The following THSD7B variants were observed in gnomAD, a reference collection of about 807,000 sequenced individuals.
THSD7B encodes thrombospondin type-1 domain-containing protein 7B.
Under a neutral mutation model 213.6 loss-of-function variants are expected in THSD7B, and 138 were observed. The observed-to-expected ratio is 0.65, with a 90% CI of 0.56 to 0.74. The LOEUF is 0.74. THSD7B is among the 30% of genes least tolerant of loss of function. The pLI is 0.00. For synonymous variants in THSD7B, 742 were observed against 687.0 expected (o/e 1.08, Z -1.25); for missense variants, 1,931 against 1,991.5 (o/e 0.97, Z 0.58).
chr2:137,098,409 T>C (rs1688079935), intron 4 of THSD7B, among the ~76,000 whole-genome samples: 1 of 152,148 alleles, frequency 6.6e-6, no homozygotes, highest in African/African-American at 2.4e-5. Context: ...GGAACCTAAA[T>C]TTTAGTGAAA....
intron 2 of THSD7B, among the ~76,000 whole-genome samples, chr2:136,950,829 T>A (rs1411990120): frequency 8.5e-5 from 13 of 152,208 alleles, no homozygotes. Context: ...GAAAGACTGT[T>A]GGCCCATGGT....
rs16838011 is a variant in THSD7B, at chr2:137,093,246, C to T, written c.951-1627C>T. On this transcript the variant is annotated intron_variant, in intron 3 of 27. Coordinates refer to ENST00000409968, the MANE Select transcript of THSD7B (RefSeq NM_001316349.2). The stretch of plus-strand genomic sequence containing the variant: ...CCCTTCCAGAGCAGCTTTCGAAGAA[C>T]CCTTGTACCTTGTATCTACGTTCCT... Among the ~76,000 whole-genome samples, 3,538 of 144,672 alleles carry T rather than the reference C, an allele frequency of 0.024. 261 individuals carry two copies. In the East Asian group the frequency reaches 0.28, roughly 11 times the overall value. The allele number at this position is 144,672 out of a possible 152,430, so 94.9% of individuals were successfully genotyped here.
intron 10 of THSD7B, among the ~76,000 whole-genome samples, chr2:137,258,425 C>G (rs200762132): frequency 2.8e-4 from 43 of 152,226 alleles, no homozygotes; most frequent in Middle Eastern, 3.4e-3. Context: ...TGCTGTTGCT[C>G]TGTCTGGAAT....
intron 9 of THSD7B, among the ~76,000 whole-genome samples, chr2:137,236,839 G>A (rs988336383): frequency 1.3e-5 from 2 of 152,098 alleles, no homozygotes; most frequent in South Asian, 2.1e-4. Context: ...AGCTGGGCGC[G>A]GTGGCTCATG....
At chr2:137,146,254 G>A (rs988108538) in intron 5 of THSD7B, among the ~76,000 whole-genome samples, 3 of 152,008 alleles carry the variant, frequency 2.0e-5, no homozygotes, top group African/African-American at 7.2e-5. Flanking sequence ...TAAGCATATA[G>A]ATTTTAACTA....
At position 137,624,802 on chromosome 2, in the gene THSD7B, G is replaced by A. The variant is rs1300654319; in HGVS notation, c.3799+4076G>A. On this transcript the variant is annotated intron_variant, in intron 20 of 27. Transcript: ENST00000409968. ...ACCATCTCACACCAGTTAGAATGGTGATCATTAAAAAGTCAGGAAACAACA... is the reference window on the plus strand; with the variant it reads ...ACCATCTCACACCAGTTAGAATGGTAATCATTAAAAAGTCAGGAAACAACA... 5.9e-5 allele frequency among the ~76,000 whole-genome samples: 9 copies of A among 152,132 alleles called. 1 individual carries two copies.
At chr2:137,417,179 A>C (rs1686817491) in intron 14 of THSD7B, among the ~76,000 whole-genome samples, 1 of 152,228 alleles carries the variant, frequency 6.6e-6, no homozygotes, top group Non-Finnish European at 1.5e-5. Context: ...GGATTTAAGA[A>C]ATAAATATTT....
chr2:137,332,125 A>G (rs936060560), intron 12 of THSD7B, among the ~76,000 whole-genome samples: 2 of 152,118 alleles, frequency 1.3e-5, no homozygotes, highest in African/African-American at 4.8e-5. Flanking sequence ...GGAGGCACCG[A>G]GAGCGAGCGA....
chr2:137,337,174 T>C (rs1265478686), intron 12 of THSD7B, among the ~76,000 whole-genome samples: 1 of 152,056 alleles, frequency 6.6e-6, no homozygotes, highest in Non-Finnish European at 1.5e-5. Context: ...TCAGAACTTA[T>C]TCAGATTTCA....
chr2:137,296,858 G>T (rs1056544804), intron 12 of THSD7B, among the ~76,000 whole-genome samples: 2 of 151,784 alleles, frequency 1.3e-5, no homozygotes, highest in Non-Finnish European at 1.5e-5. Flanking sequence ...GGCTGTTGTG[G>T]CTTCCTTGCT....
At chr2:136,776,939 A>T (rs1681620404) in intron 1 of THSD7B, among the ~76,000 whole-genome samples, 1 of 152,142 alleles carries the variant, frequency 6.6e-6, no homozygotes, top group African/African-American at 2.4e-5. Flanking sequence ...ATGAGAAATG[A>T]CAGGAAAAGA....
chr2:137,006,091 T>A (rs1008316039), intron 2 of THSD7B, among the ~76,000 whole-genome samples: 1 of 152,186 alleles, frequency 6.6e-6, no homozygotes, highest in Non-Finnish European at 1.5e-5. Flanking sequence ...CCATCTGAGC[T>A]GTTTTAATAA....
intron 12 of THSD7B, among the ~76,000 whole-genome samples, chr2:137,377,917 G>T (rs1374307483): frequency 6.6e-6 from 1 of 152,076 alleles, no homozygotes; most frequent in Non-Finnish European, 1.5e-5. Context: ...AAGCTACCGC[G>T]CCTGGACAAA....
intron 2 of THSD7B, among the ~76,000 whole-genome samples, chr2:137,055,663 A>C (rs970495153): frequency 6.6e-6 from 1 of 152,212 alleles, no homozygotes; most frequent in East Asian, 1.9e-4. Context: ...TTACAAGCTA[A>C]TGTTGGAAAC....
intron 15 of THSD7B, among the ~76,000 whole-genome samples, chr2:137,496,626 G>T (rs1028520554): frequency 6.6e-6 from 1 of 151,922 alleles, no homozygotes; most frequent in East Asian, 1.9e-4. Context: ...TAAAAACCAC[G>T]GGCAATATTT....
chr2:137,586,416 A>G lies in THSD7B; in HGVS notation c.3423+13860A>G, dbSNP rs532218841. ...GTTATTTTGCCCATTAGTTGATGCA[A>G]TTTCTTCCTAGCATCGATGGTCTTT... On this transcript the variant is annotated intron_variant, in intron 17 of 27. Coordinates refer to ENST00000409968, the MANE Select transcript of THSD7B (RefSeq NM_001316349.2). Among the ~76,000 whole-genome samples, 657 of 151,990 alleles carry G rather than the reference A, an allele frequency of 4.3e-3. 6 individuals carry two copies. The highest frequency in any genetic ancestry group is 0.015 in the African/African-American group (634 of 41,456).
chr2:137,131,565 A>G (rs1051848938), intron 5 of THSD7B, among the ~76,000 whole-genome samples: 3 of 152,200 alleles, frequency 2.0e-5, no homozygotes, highest in Non-Finnish European at 4.4e-5. Flanking sequence ...TATAAGGTGT[A>G]AGGAAGGGAT....
chr2:137,474,632 A>G (rs538017235), intron 15 of THSD7B, among the ~76,000 whole-genome samples: 1 of 152,274 alleles, frequency 6.6e-6, no homozygotes, highest in African/African-American at 2.4e-5. Flanking sequence ...CTATATTTTC[A>G]TTTGCCTGAA....
At chr2:137,157,673 C>G (rs1679936532) in intron 5 of THSD7B, among the ~76,000 whole-genome samples, 1 of 152,130 alleles carries the variant, frequency 6.6e-6, no homozygotes, top group South Asian at 2.1e-4. Context: ...GCCTAGATCC[C>G]AATCCCAGGT....
Sources: allele counts gnomAD v4.1 joint callset (sites outside exome capture counted in the v4.1 genomes callset), GRCh38; gene constraint gnomAD v4.1.1; transcripts MANE v1.5; gene names NCBI Gene and HGNC (gene_info 2026-07-23, HGNC 2026-07-21).